Variants in ASB15 observed in about 807,000 individuals in gnomAD.
The protein encoded by ASB15 is ankyrin repeat and SOCS box protein 15.
In ASB15, 54 loss-of-function variants were observed where a neutral mutation model predicts 58.0. That is an observed-to-expected ratio of 0.93 (90% CI 0.75 to 1.17). The LOEUF (loss-of-function observed/expected upper bound fraction) is 1.17, where lower values mean the gene tolerates loss of function less well. Ranked by LOEUF, ASB15 falls within the 50% of genes most tolerant of loss-of-function variation. The pLI is 0.00. For synonymous variants in ASB15, 249 were observed against 262.4 expected (o/e 0.95, Z 0.50); for missense variants, 680 against 707.4 (o/e 0.96, Z 0.44).
At chr7:123,617,197 G>A (rs1161336903) in intron 6 of ASB15, among the ~76,000 whole-genome samples, 4 of 152,024 alleles carry the variant, frequency 2.6e-5, no homozygotes, top group African/African-American at 4.8e-5. Flanking sequence ...TTGACACAGC[G>A]ATACCTACAT....
intron 1 of ASB15, among the ~76,000 whole-genome samples, chr7:123,568,970 G>A (rs1319173607): frequency 6.6e-6 from 1 of 152,180 alleles, no homozygotes; most frequent in Non-Finnish European, 1.5e-5. Flanking sequence ...GGGGACAGAA[G>A]ACAACAGCTA....
At chr7:123,624,046 G>T (rs1801597028) in intron 7 of ASB15, among the ~76,000 whole-genome samples, 1 of 152,054 alleles carries the variant, frequency 6.6e-6, no homozygotes. Flanking sequence ...TTCAATACTT[G>T]CTGCTATCTT....
chr7:123,637,084 T>G lies in ASB15; in HGVS notation c.*103T>G. 1.2e-6 allele frequency: 1 copy of G among 805,718 alleles called. No individual in the cohort carries two copies. The highest frequency in any genetic ancestry group is 1.9e-6 in the Non-Finnish European group (1 of 520,974). The allele number at this position is 805,718 out of a possible 1,614,324, so 49.9% of individuals were successfully genotyped here. A position where few individuals can be genotyped will look rare whatever the true frequency, so the allele number is the denominator to read the frequency against. On this transcript the variant is annotated 3_prime_UTR_variant, in exon 12 of 12. Transcript: ENST00000451215. Reference sequence around the variant, plus strand: ...TCCTTAATTGTAAAGTGTATTTAAATTCATTGACAGTTTTATAGGTTATCA... The same window carrying G: ...TCCTTAATTGTAAAGTGTATTTAAAGTCATTGACAGTTTTATAGGTTATCA...
chr7:123,614,693 T>C (rs1184495758), intron 4 of ASB15, 84 bp downstream of exon 4: 8 of 885,576 alleles, frequency 9.0e-6, no homozygotes, highest in Middle Eastern at 4.8e-4. Context: ...CGTTTCCTAA[T>C]TCCTCCTCTA....
intron 3 of ASB15, among the ~76,000 whole-genome samples, chr7:123,611,510 A>T (rs1313831461): frequency 6.6e-6 from 1 of 151,676 alleles, no homozygotes; most frequent in Non-Finnish European, 1.5e-5. Flanking sequence ...GTTAGCCAGG[A>T]TGGTCTCGAT....
In ASB15 at chr7:123,627,162, A is replaced by C; in HGVS notation, c.750A>C (p.Ala250=). The C allele has an allele frequency of 3.1e-6, 5 of 1,614,050 alleles. No homozygotes were observed. The highest frequency in any genetic ancestry group is 4.2e-6 in the Non-Finnish European group (5 of 1,179,954). ...ATGGGGCGTCGGTGCTGTTTGAGGC[A>C]GCAGGAGGTGGCAATCCCGACTGCA... ...ADDGASVLFE[A]AGGGNPDCIS... is the part of the protein sequence containing the mutation. The change falls in exon 9 of 12, where the codon GCA becomes GCC. Residue 250 remains alanine, a synonymous_variant. Transcript: ENST00000451215.
At chr7:123,632,044 C>CT (rs1233609577) in intron 11 of ASB15, among the ~76,000 whole-genome samples, 14 of 152,114 alleles carry the variant, frequency 9.2e-5, no homozygotes, top group African/African-American at 2.9e-4. Flanking sequence ...CCCCACTGCA[C>CT]TCCAGCCTGG....
chr7:123,587,295 T>C (rs1250350225), intron 1 of ASB15, among the ~76,000 whole-genome samples: 5 of 151,704 alleles, frequency 3.3e-5, no homozygotes, highest in African/African-American at 9.7e-5. Flanking sequence ...AGGTATTTTA[T>C]TTTTGTAGCT....
chr7:123,611,872 C>T lies in ASB15; in HGVS notation c.-2-2629C>T, dbSNP rs576863623. 3.3e-5 allele frequency among the ~76,000 whole-genome samples: 5 copies of T among 151,740 alleles called. No homozygotes were observed. In the South Asian group the frequency reaches 1.0e-3, roughly 32 times the overall value. ...GCTGGAGACACCTGTGCTAGATTGG[C>T]GTTGTTCTGCATAGAAAGTGTTCCG... On this transcript the variant is annotated intron_variant, in intron 3 of 11. Coordinates refer to ENST00000451215, the MANE Select transcript of ASB15 (RefSeq NM_001290258.2).
chr7:123,573,271 C>A lies in ASB15; in HGVS notation c.-443+6183C>A, dbSNP rs1166753139. Among the ~76,000 whole-genome samples the A allele has an allele frequency of 2.7e-5, 4 of 147,476 alleles. 1 individual carries two copies. The highest frequency in any genetic ancestry group is 2.7e-4 in the Admixed American group (4 of 14,790). ...CCCCCCCGCCTCCCCATAACCTCTC[C>A]TTTCCCTCTGGATTTGCTTTTTTTT... On this transcript the variant is annotated intron_variant, in intron 1 of 13. Transcript: ENST00000451558.
At position 123,639,152 on chromosome 7, in the gene ASB15, A is replaced by T. The variant is rs1195318497; in HGVS notation, c.*2171A>T. 1 of 151,462 alleles carries T rather than the reference A, an allele frequency of 6.6e-6. No homozygotes were observed. Among genetic ancestry groups the T allele is most frequent in the Non-Finnish European group, 1.5e-5 (1 of 67,496 alleles). The allele number at this position is 151,462 out of a possible 1,614,324, so 9.4% of individuals were successfully genotyped here. A position where few individuals can be genotyped will look rare whatever the true frequency, so the allele number is the denominator to read the frequency against. On this transcript the variant is annotated 3_prime_UTR_variant, in exon 12 of 12. Transcript: ENST00000451215. ...TTGTTACCGTATTCTTTAAACAGTA[A>T]TATCTCACTGGTCTGTAAAGTTTTC...
rs550262227 is a variant in ASB15 at position 123,628,863 on chromosome 7, G to A, written c.870-1G>A. On this transcript the variant is annotated splice_acceptor_variant, in intron 9 of 11. Coordinates refer to ENST00000451215, the MANE Select transcript of ASB15 (RefSeq NM_001290258.2). LOFTEE classifies it high-confidence loss of function. ...GTAGATATTTGACTTTTTTCTTTTA[G>A]TGCACTGAAATATCTTATCCCAGTA... 2 of 1,499,036 alleles carry A rather than the reference G, an allele frequency of 1.3e-6. No homozygotes were observed. Among genetic ancestry groups the A allele is most frequent in the South Asian group, 1.4e-5 (1 of 73,696 alleles). The allele number at this position is 1,499,036 out of a possible 1,614,324, so 92.9% of individuals were successfully genotyped here. A position where few individuals can be genotyped will look rare whatever the true frequency, so the allele number is the denominator to read the frequency against.
intron 2 of ASB15, among the ~76,000 whole-genome samples, chr7:123,605,977 A>G (rs772963036): frequency 1.3e-5 from 2 of 152,140 alleles, no homozygotes; most frequent in Non-Finnish European, 2.9e-5. Flanking sequence ...AAACGTTAAG[A>G]TAAAACTTAA....
intron 1 of ASB15, among the ~76,000 whole-genome samples, chr7:123,579,287 A>T (rs574527146): frequency 1.3e-5 from 2 of 151,862 alleles, no homozygotes; most frequent in South Asian, 2.1e-4. Flanking sequence ...CATTTTCTTT[A>T]TAAGTGTAAT....
At chr7:123,578,560 T>C (rs1799134173) in intron 1 of ASB15, among the ~76,000 whole-genome samples, 1 of 152,114 alleles carries the variant, frequency 6.6e-6, no homozygotes, top group Non-Finnish European at 1.5e-5. Flanking sequence ...TTTGCTTTTC[T>C]AACTATTATC....
chr7:123,630,201 T>C, intron 11 of ASB15, 82 bp downstream of exon 11: 2 of 1,066,690 alleles, frequency 1.9e-6, no homozygotes, highest in Non-Finnish European at 2.7e-6. Context: ...TTTGATACTT[T>C]TCCTATGCTA....
chr7:123,624,243 T>C (rs1242647105), intron 7 of ASB15, among the ~76,000 whole-genome samples: 3 of 152,192 alleles, frequency 2.0e-5, no homozygotes, highest in Non-Finnish European at 4.4e-5. Context: ...ACAACAAGTG[T>C]TATTTCCATT....
chr7:123,633,614 A>AGT (rs78550048), intron 11 of ASB15, among the ~76,000 whole-genome samples: 43,222 of 150,612 alleles, frequency 0.29, 6,722 homozygotes, highest in African/African-American at 0.41. Flanking sequence ...GATTATGCTG[A>AGT]GTGTGTGTGT....
intron 1 of ASB15, chr7:123,567,160 A>C (rs941611212): frequency 6.6e-6 from 1 of 152,234 alleles, no homozygotes; most frequent in East Asian, 1.9e-4. Context: ...GCAGAGGGGC[A>C]GTGGCTTGAG....
Sources: allele counts gnomAD v4.1 joint callset (sites outside exome capture counted in the v4.1 genomes callset), GRCh38; gene constraint gnomAD v4.1.1; transcripts MANE v1.5; gene names NCBI Gene and HGNC (gene_info 2026-07-23, HGNC 2026-07-21).